PDZD2: variants seen among roughly 807,000 people sequenced by gnomAD.
The protein encoded by PDZD2 is PDZ domain containing 2, also known as PDZ domain-containing protein 2.
Under a neutral mutation model 220.7 loss-of-function variants are expected in PDZD2, and 90 were observed. The observed-to-expected ratio is 0.41, with a 90% CI of 0.34 to 0.49. The LOEUF (loss-of-function observed/expected upper bound fraction) is 0.49, where lower values mean the gene tolerates loss of function less well. PDZD2 is among the 20% of genes least tolerant of loss of function. The pLI, the probability that PDZD2 is intolerant of heterozygous loss-of-function variation, is 0.28. For synonymous variants in PDZD2, 1,375 were observed against 1,450.5 expected (o/e 0.95, Z 1.18); for missense variants, 3,174 against 3,608.5 (o/e 0.88, Z 3.08).
chr5:31,930,798 G>A (rs6450879), intron 2 of PDZD2, among the ~76,000 whole-genome samples: 118,967 of 151,986 alleles, frequency 0.78, 46,633 homozygotes, highest in Middle Eastern at 0.85. Flanking sequence ...GACCAGACGC[G>A]GTGGCTCAGG....
intron 14 of PDZD2, among the ~76,000 whole-genome samples, chr5:32,068,157 G>A (rs180929701): frequency 2.0e-4 from 31 of 151,928 alleles, no homozygotes; most frequent in Middle Eastern, 3.4e-3. Context: ...AAAAAAATGC[G>A]TAATCTGAAT....
intron 2 of PDZD2, among the ~76,000 whole-genome samples, chr5:31,805,598 G>A (rs894464727): frequency 8.5e-5 from 13 of 152,132 alleles, no homozygotes; most frequent in Non-Finnish European, 5.9e-5. Context: ...TACAGCTGTC[G>A]TATGAAGGAC....
In PDZD2 at chr5:32,098,468, C is replaced by T. The variant is rs747709270; in HGVS notation, c.8052C>T (p.His2684=). Residue 2684 remains histidine, a synonymous_variant, in exon 23 of 25, where the codon CAC becomes CAT. Coordinates refer to ENST00000438447, the MANE Select transcript of PDZD2 (RefSeq NM_178140.4). This position sits in a 1 kb window ranked among gnomAD's most constrained non-coding sequence, Gnocchi z 4.1. Reference sequence around the variant, plus strand: ...GCGCCTCACTGGCTGGCTTAGCCCACGGGAATGTCCTGAAGGTTCTGCACC... The same window carrying T: ...GCGCCTCACTGGCTGGCTTAGCCCATGGGAATGTCCTGAAGGTTCTGCACC... ...VNGASLAGLA[H]GNVLKVLHQA... is the part of the protein sequence containing the mutation. 88 of 1,614,028 alleles carry T rather than the reference C, an allele frequency of 5.5e-5. No homozygotes were observed. The highest frequency in any genetic ancestry group is 2.3e-4 in the South Asian group (21 of 91,072).
At chr5:32,027,053 C>T (rs1057057044) in intron 6 of PDZD2, among the ~76,000 whole-genome samples, 11 of 152,174 alleles carry the variant, frequency 7.2e-5, no homozygotes. Flanking sequence ...CAGGTGTGTG[C>T]CACCACGCCC....
intron 2 of PDZD2, among the ~76,000 whole-genome samples, chr5:31,804,380 T>A (rs79173698): frequency 1.7e-3 from 255 of 152,332 alleles, no homozygotes; most frequent in Non-Finnish European, 3.1e-3. Flanking sequence ...ATCAAGGAGT[T>A]AACAAGACAG....
intron 6 of PDZD2, among the ~76,000 whole-genome samples, chr5:32,014,580 A>G (rs1479158387): frequency 1.3e-5 from 2 of 152,000 alleles, no homozygotes; most frequent in African/African-American, 4.8e-5. Flanking sequence ...AAGATTAAAG[A>G]CTGCCAGTTT....
chr5:31,830,192 G>A (rs1403423374), intron 2 of PDZD2, among the ~76,000 whole-genome samples: 1 of 140,432 alleles, frequency 7.1e-6, no homozygotes, highest in Non-Finnish European at 1.5e-5. Flanking sequence ...TTGAGACGAA[G>A]TTTCGCTCTG....
At chr5:31,943,682 G>C (rs1561148474) in intron 2 of PDZD2, among the ~76,000 whole-genome samples, 2 of 152,228 alleles carry the variant, frequency 1.3e-5, no homozygotes, top group Non-Finnish European at 2.9e-5. Context: ...GTCGCTATCA[G>C]AGAAGGAAGT....
intron 1 of PDZD2, among the ~76,000 whole-genome samples, chr5:31,769,956 C>CT (rs1341771685): frequency 6.6e-6 from 1 of 152,148 alleles, no homozygotes; most frequent in Non-Finnish European, 1.5e-5. Flanking sequence ...CAAGTGAAGT[C>CT]TTTGTAACTC....
chr5:31,669,428 A>G (rs982545071), intron 1 of PDZD2, among the ~76,000 whole-genome samples: 1 of 148,614 alleles, frequency 6.7e-6, no homozygotes, highest in African/African-American at 2.5e-5. Flanking sequence ...AAAAAATAAG[A>G]TCTATCCAGC....
chr5:31,735,747 T>C (rs1194086023), intron 1 of PDZD2, among the ~76,000 whole-genome samples: 1 of 151,972 alleles, frequency 6.6e-6, no homozygotes, highest in East Asian at 1.9e-4. Flanking sequence ...GAGATCGAGA[T>C]CATCCTGGCC....
At chr5:31,735,042 G>T (rs1256878401) in intron 1 of PDZD2, among the ~76,000 whole-genome samples, 1 of 152,146 alleles carries the variant, frequency 6.6e-6, no homozygotes. Context: ...TACATAAAGA[G>T]ATTCATTTCT....
At chr5:31,840,446 A>ATATATTTATT (rs1561499439) in intron 2 of PDZD2, 2 of 69,120 alleles carry the variant, frequency 2.9e-5, no homozygotes, top group African/African-American at 1.3e-4. Context: ...ATATATATAT[A>ATATATTTATT]TATTTGTTTA....
Position 31,903,199 on chromosome 5 carries a change from C to T in PDZD2, c.477-79956C>T, listed in dbSNP as rs192489508. Among the ~76,000 whole-genome samples, 1,038 of 150,766 alleles carry T rather than the reference C, an allele frequency of 6.9e-3. 7 individuals carry two copies. The highest frequency in any genetic ancestry group is 0.011 in the Non-Finnish European group (716 of 67,758). On this transcript the variant is annotated intron_variant, in intron 2 of 24. Transcript: ENST00000438447. The stretch of plus-strand genomic sequence containing the variant: ...ATCCCGTCTACTTGGGAGGCTGAGG[C>T]GGGAAAATCGCTTGAACCCGGGAGG...
At chr5:31,652,737 G>T (rs1745397232) in intron 1 of PDZD2, among the ~76,000 whole-genome samples, 1 of 152,224 alleles carries the variant, frequency 6.6e-6, no homozygotes, top group Admixed American at 6.5e-5. Context: ...GTGGCCAGGC[G>T]CAGTGGCTCA....
rs1344535092 is a variant in PDZD2, at chr5:31,646,912, G to A, written c.-361+7475G>A. 6.6e-6 allele frequency among the ~76,000 whole-genome samples: 1 copy of A among 152,070 alleles called. No homozygotes were observed. The highest frequency in any genetic ancestry group is 1.9e-4 in the East Asian group (1 of 5,180). ...CCCATCAGCGTGGATTCCCAAGAGA[G>A]AGCAGGCAGTGAGATGGCACAAGGA... On this transcript the variant is annotated intron_variant, in intron 1 of 24. Coordinates refer to ENST00000438447, the MANE Select transcript of PDZD2 (RefSeq NM_178140.4). This position sits in a 1 kb window ranked among gnomAD's most constrained non-coding sequence, Gnocchi z 4.7.
rs1739678748 is a variant in PDZD2, at chr5:32,083,562, C to T, written c.3683-3569C>T. On this transcript the variant is annotated intron_variant, in intron 19 of 24. Transcript: ENST00000438447. This position sits in a 1 kb window ranked among gnomAD's most constrained non-coding sequence, Gnocchi z 4.1. The stretch of plus-strand genomic sequence containing the variant: ...TTGAAAGGTGACAACCAAAGGCTGC[C>T]TCAGTGTAACCTCGTCTCCCTCAGA... 1 of 152,176 alleles carries T rather than the reference C, an allele frequency of 6.6e-6. No individual in the cohort carries two copies. The highest frequency in any genetic ancestry group is 2.4e-5 in the African/African-American group (1 of 41,442). The allele number at this position is 152,176 out of a possible 1,614,324, so 9.4% of individuals were successfully genotyped here. A position where few individuals can be genotyped will look rare whatever the true frequency, so the allele number is the denominator to read the frequency against.
At chr5:31,753,309 G>A (rs1751119458) in intron 1 of PDZD2, among the ~76,000 whole-genome samples, 2 of 152,234 alleles carry the variant, frequency 1.3e-5, no homozygotes, top group Admixed American at 1.3e-4. Context: ...AGGCAATAGG[G>A]AGTGGTGGAG....
chr5:31,884,658 G>A (rs1184787070), intron 2 of PDZD2, among the ~76,000 whole-genome samples: 2 of 151,950 alleles, frequency 1.3e-5, no homozygotes, highest in Admixed American at 6.6e-5. Context: ...GCGCGATCTC[G>A]GCTCACTGCA....
Sources: allele counts gnomAD v4.1 joint callset (sites outside exome capture counted in the v4.1 genomes callset), GRCh38; gene constraint gnomAD v4.1.1; non-coding constraint Gnocchi (gnomAD v3.1); transcripts MANE v1.5; gene names NCBI Gene and HGNC (gene_info 2026-07-23, HGNC 2026-07-21).